Variants in EXOC6 observed in about 807,000 individuals in gnomAD.
The protein encoded by EXOC6 is exocyst complex component 6, also known as SEC15-like 1.
A neutral mutation model predicts 112.5 loss-of-function variants in EXOC6; 60 were observed. That is an observed-to-expected ratio of 0.53 (90% CI 0.43 to 0.66). The LOEUF is 0.66. Among genes scored for constraint, EXOC6 ranks in the 30% least tolerant of loss-of-function variants. EXOC6 has a pLI of 0.00. For missense variants in EXOC6, 855 were observed against 957.1 expected (o/e 0.89, Z 1.41); for synonymous variants, 295 against 308.0 (o/e 0.96, Z 0.44).
At chr10:92,831,404 T>C, upstream of EXOC6, 1 of 1,120,670 alleles carries the variant, frequency 8.9e-7, no homozygotes, top group Non-Finnish European at 1.2e-6. Context: ...CTTTAGAGTA[T>C]AGTATTCTTC....
intron 18 of EXOC6, among the ~76,000 whole-genome samples, chr10:92,975,263 G>C (rs1291620182): frequency 6.6e-6 from 1 of 150,458 alleles, no homozygotes; most frequent in African/African-American, 2.4e-5. Context: ...CCGCGACCCC[G>C]TCTGGGAGGT....
intron 8 of EXOC6, among the ~76,000 whole-genome samples, chr10:92,921,928 A>T (rs1394326167): frequency 6.6e-6 from 1 of 151,892 alleles, no homozygotes; most frequent in Non-Finnish European, 1.5e-5. Flanking sequence ...TATAACCAAA[A>T]ATTATTTGGT....
At chr10:92,964,156 T>TAATAAAACAAGAATATAAAG in intron 17 of EXOC6, among the ~76,000 whole-genome samples, 1 of 151,850 alleles carries the variant, frequency 6.6e-6, no homozygotes, top group South Asian at 2.1e-4. Flanking sequence ...GTAAAGAAAA[T>TAATAAAACAAGAATATAAAG]AATAAAACAA....
chr10:92,954,830 C>T (rs1274175788), intron 16 of EXOC6, 89 bp downstream of exon 16: 1 of 623,556 alleles, frequency 1.6e-6, no homozygotes, highest in Non-Finnish European at 2.8e-6. Flanking sequence ...GTAAAACTAG[C>T]TTCCTGTTTT....
chr10:92,909,480 G>A lies in EXOC6; in HGVS notation c.512G>A (p.Trp171Ter), dbSNP rs776087827. 2 of 1,613,444 alleles carry A rather than the reference G, an allele frequency of 1.2e-6. No homozygotes were observed. Among genetic ancestry groups the A allele is most frequent in the African/African-American group, 1.3e-5 (1 of 74,884 alleles). ...CAATTAGAGAATGTGTACTTTCCCT[G>A]GGTTAGTCAATACCGGTTTTGTCAG... ...MEQLENVYFP[W>*]VSQYRFCQLM... Residue 171 changes from tryptophan to a stop codon, truncating the protein, a stop_gained, in exon 6 of 22, where the codon TGG (tryptophan) becomes TAG (stop). Transcript: ENST00000260762. LOFTEE classifies it high-confidence loss of function.
At chr10:92,849,020 C>T (rs929089485) in intron 1 of EXOC6, among the ~76,000 whole-genome samples, 1 of 152,126 alleles carries the variant, frequency 6.6e-6, no homozygotes, top group Admixed American at 6.5e-5. Flanking sequence ...TGCTCGGCCG[C>T]GGGCATGCCA....
chr10:92,902,934 A>T (rs1850254907), intron 5 of EXOC6, among the ~76,000 whole-genome samples: 1 of 152,112 alleles, frequency 6.6e-6, no homozygotes, highest in African/African-American at 2.4e-5. Flanking sequence ...TTGTTTATCT[A>T]TCCATTAGTT....
At chr10:92,963,824 T>C (rs973538520) in intron 17 of EXOC6, among the ~76,000 whole-genome samples, 1 of 152,198 alleles carries the variant, frequency 6.6e-6, no homozygotes, top group Admixed American at 6.6e-5. Flanking sequence ...TCTAGAACTT[T>C]ATGATACTTC....
intron 19 of EXOC6, among the ~76,000 whole-genome samples, chr10:93,007,774 T>G (rs1844062723): frequency 6.6e-6 from 1 of 152,272 alleles, no homozygotes; most frequent in African/African-American, 2.4e-5. Context: ...TGATTCAAAC[T>G]AGTCTTCTTC....
At chr10:92,929,738 C>T (rs11187218) in intron 9 of EXOC6, among the ~76,000 whole-genome samples, 3,341 of 152,156 alleles carry the variant, frequency 0.022, 125 homozygotes, top group African/African-American at 0.077. Flanking sequence ...ATAGGTTTAA[C>T]AGTTGATGAA....
intron 1 of EXOC6, among the ~76,000 whole-genome samples, chr10:92,874,595 T>C (rs1848605919): frequency 6.6e-6 from 1 of 152,142 alleles, no homozygotes; most frequent in African/African-American, 2.4e-5. Context: ...TGCACACCCA[T>C]GTGAGCATCT....
intron 20 of EXOC6, among the ~76,000 whole-genome samples, chr10:93,035,847 T>A (rs180906365): frequency 6.6e-6 from 1 of 151,396 alleles, no homozygotes; most frequent in Non-Finnish European, 1.5e-5. Context: ...AGATCAAGAC[T>A]CTGTCTCCAG....
At chr10:92,863,068 C>A (rs1433367494) in intron 1 of EXOC6, among the ~76,000 whole-genome samples, 1 of 152,210 alleles carries the variant, frequency 6.6e-6, no homozygotes, top group African/African-American at 2.4e-5. Context: ...ATAAAACTAT[C>A]TGTAGATGAT....
At chr10:92,928,982 T>C (rs751305975) in intron 9 of EXOC6, among the ~76,000 whole-genome samples, 2 of 152,190 alleles carry the variant, frequency 1.3e-5, no homozygotes, top group Non-Finnish European at 2.9e-5. Context: ...AAGGCAGAAA[T>C]GCAGATAGGT....
intron 4 of EXOC6, among the ~76,000 whole-genome samples, chr10:92,896,149 A>G (rs75640807): frequency 0.057 from 517 of 8,996 alleles, 26 homozygotes; most frequent in East Asian, 0.32. Flanking sequence ...ATGTATGTGT[A>G]TATATATATA....
At chr10:92,982,974 T>C (rs1214206495) in intron 18 of EXOC6, among the ~76,000 whole-genome samples, 1 of 152,212 alleles carries the variant, frequency 6.6e-6, no homozygotes, top group Non-Finnish European at 1.5e-5. Flanking sequence ...TGCTCAAGAA[T>C]AAATAAAGAT....
chr10:92,918,833 CAT>C (rs1416109633), intron 7 of EXOC6, among the ~76,000 whole-genome samples: 5 of 152,146 alleles, frequency 3.3e-5, no homozygotes, highest in South Asian at 2.1e-4. Flanking sequence ...TATGTATGCA[CAT>C]ATGTGTATGT....
intron 20 of EXOC6, among the ~76,000 whole-genome samples, chr10:93,016,361 G>A (rs890669401): frequency 1.3e-5 from 2 of 151,084 alleles, no homozygotes; most frequent in Admixed American, 6.6e-5. Context: ...GGCTGGTCTC[G>A]AACTCCCGGC....
At chr10:92,971,343 C>A (rs911663452) in intron 17 of EXOC6, among the ~76,000 whole-genome samples, 2 of 42,250 alleles carry the variant, frequency 4.7e-5, no homozygotes, top group African/African-American at 2.5e-4. Context: ...CACGCCCAGC[C>A]TAGTGATTTT....
Sources: allele counts gnomAD v4.1 joint callset (sites outside exome capture counted in the v4.1 genomes callset), GRCh38; gene constraint gnomAD v4.1.1; transcripts MANE v1.5; gene names NCBI Gene and HGNC (gene_info 2026-07-23, HGNC 2026-07-21).